The following RANBP2 variants were observed in gnomAD, a reference collection of about 807,000 sequenced individuals.
RANBP2 encodes RAN binding protein 2.
In RANBP2, 57 loss-of-function variants were observed where a neutral mutation model predicts 303.6. The ratio of observed to expected loss-of-function variants is 0.19; its 90% CI spans 0.15 to 0.23. RANBP2 has a LOEUF of 0.23. Ranked by LOEUF, RANBP2 falls within the 10% of genes least tolerant of loss-of-function variation. RANBP2 has a pLI of 1.00. For missense variants in RANBP2, 3,138 were observed against 3,780.8 expected (o/e 0.83, Z 4.46); for synonymous variants, 1,167 against 1,301.5 (o/e 0.90, Z 2.23).
At chr2:108,743,031 C>T (rs1398108274) in intron 7 of RANBP2, among the ~76,000 whole-genome samples, 1 of 152,178 alleles carries the variant, frequency 6.6e-6, no homozygotes, top group African/African-American at 2.4e-5. Context: ...CCTCATGATC[C>T]GCCCACCTTG....
rs1353024475 is a variant in RANBP2, at chr2:108,735,708, C to T, written c.582C>T (p.Asn194=). ...CCCACTGCCATGAGGCAGAGAGGAA[C>T]ATAGCTTTGCGTTCAAGTTTAGAAT... The part of the protein sequence containing the change: ...AVAHCHEAER[N]IALRSSLEWN... The change falls in exon 5 of 29, where the codon AAC becomes AAT. Residue 194 remains asparagine (N), a synonymous_variant. Coordinates refer to ENST00000283195, the MANE Select transcript of RANBP2 (RefSeq NM_006267.5). The T allele has an allele frequency of 6.3e-7, 1 of 1,597,584 alleles. No individual in the cohort carries two copies. Among genetic ancestry groups the T allele is most frequent in the African/African-American group, 1.3e-5 (1 of 74,978 alleles).
At chr2:108,983,184 AAC>A in the RANBP2 span, among the ~76,000 whole-genome samples, 1 of 152,120 alleles carries the variant, frequency 6.6e-6, no homozygotes, top group Non-Finnish European at 1.5e-5. Flanking sequence ...CATGTCAACA[AAC>A]ACATCCCCAA....
chr2:109,265,741 A>G, the RANBP2 span, among the ~76,000 whole-genome samples: 2 of 152,234 alleles, frequency 1.3e-5, no homozygotes, highest in South Asian at 4.1e-4. Flanking sequence ...GGTTTTTATC[A>G]ATAAAAAATG....
chr2:109,744,430 T>A, the RANBP2 span, among the ~76,000 whole-genome samples: 1 of 100,324 alleles, frequency 1.0e-5, no homozygotes, highest in African/African-American at 2.7e-5. Flanking sequence ...TTGAGAAATT[T>A]TTTTTTTTTT....
At chr2:109,659,353 T>C in the RANBP2 span, among the ~76,000 whole-genome samples, 2 of 152,102 alleles carry the variant, frequency 1.3e-5, no homozygotes, top group South Asian at 4.2e-4. Flanking sequence ...CCAGCCTGGG[T>C]GACAGAGATT....
chr2:109,149,230 C>T, the RANBP2 span, among the ~76,000 whole-genome samples: 2 of 152,270 alleles, frequency 1.3e-5, no homozygotes, highest in South Asian at 4.1e-4. Context: ...TTTATTCGGA[C>T]TTCTCTAGTC....
chr2:108,749,189 T>C (rs1675649737), intron 9 of RANBP2, 60 bp downstream of exon 9: 2 of 1,610,030 alleles, frequency 1.2e-6, no homozygotes, highest in Admixed American at 3.3e-5. Flanking sequence ...TTGCCCATAA[T>C]CTTATTACCC....
chr2:109,296,390 GT>G, the RANBP2 span, among the ~76,000 whole-genome samples: 61 of 148,508 alleles, frequency 4.1e-4, no homozygotes, highest in Non-Finnish European at 3.3e-4. Context: ...ACCACACCCA[GT>G]TTTTTTTTTG....
At chr2:109,392,977 C>G in the RANBP2 span, among the ~76,000 whole-genome samples, 2 of 152,192 alleles carry the variant, frequency 1.3e-5, no homozygotes, top group Non-Finnish European at 2.9e-5. Flanking sequence ...CCCTCTCCAC[C>G]GCCCCTGCTT....
At chr2:109,190,557 C>G in the RANBP2 span, among the ~76,000 whole-genome samples, 2 of 152,140 alleles carry the variant, frequency 1.3e-5, no homozygotes, top group Non-Finnish European at 2.9e-5. Context: ...TGTATAACAC[C>G]TGAGTGAACA....
the RANBP2 span, among the ~76,000 whole-genome samples, chr2:108,985,677 C>T: frequency 6.6e-6 from 1 of 152,172 alleles, no homozygotes; most frequent in Non-Finnish European, 1.5e-5. Flanking sequence ...AGTGTGTTTG[C>T]CACCCTTGGG....
the RANBP2 span, among the ~76,000 whole-genome samples, chr2:109,352,392 G>T: frequency 6.6e-6 from 1 of 152,192 alleles, no homozygotes; most frequent in African/African-American, 2.4e-5. Context: ...TCTCAGAGAG[G>T]ATTGCCTGGG....
the RANBP2 span, among the ~76,000 whole-genome samples, chr2:108,959,897 A>G: frequency 1.3e-5 from 2 of 152,272 alleles, no homozygotes; most frequent in Admixed American, 1.3e-4. Context: ...TCCAAGTGAA[A>G]CCAACACTTG....
the RANBP2 span, among the ~76,000 whole-genome samples, chr2:109,679,274 C>T: frequency 6.6e-6 from 1 of 152,204 alleles, no homozygotes; most frequent in Non-Finnish European, 1.5e-5. Context: ...AACTGCATGT[C>T]AGGCAACTCA....
the RANBP2 span, among the ~76,000 whole-genome samples, chr2:109,434,234 G>T: frequency 6.6e-6 from 1 of 152,194 alleles, no homozygotes; most frequent in East Asian, 1.9e-4. Context: ...CTCTGGGCTC[G>T]CCCGCCCTGC....
chr2:109,422,614 G>T, the RANBP2 span, among the ~76,000 whole-genome samples: 1 of 47,432 alleles, frequency 2.1e-5, no homozygotes, highest in Non-Finnish European at 6.7e-5. Flanking sequence ...GCTGTGTTGG[G>T]CTGGGGCTTG....
intron 22 of RANBP2, 45 bp downstream of exon 22, chr2:108,772,626 T>C: frequency 6.5e-7 from 1 of 1,537,172 alleles, no homozygotes; most frequent in Non-Finnish European, 9.0e-7. Flanking sequence ...TAACAAGTCT[T>C]CTATTTAGAA....
the RANBP2 span, chr2:109,128,809 C>T: frequency 1.5e-5 from 3 of 203,706 alleles, no homozygotes; most frequent in Admixed American, 1.3e-4. Context: ...AAGACTCGGA[C>T]GCTTGGAGGA....
At chr2:109,471,234 A>C in the RANBP2 span, among the ~76,000 whole-genome samples, 1 of 151,064 alleles carries the variant, frequency 6.6e-6, no homozygotes, top group Non-Finnish European at 1.5e-5. Flanking sequence ...AAAAAAAAGA[A>C]ATTAATACCT....
Sources: allele counts gnomAD v4.1 joint callset (sites outside exome capture counted in the v4.1 genomes callset), GRCh38; gene constraint gnomAD v4.1.1; transcripts MANE v1.5; gene names NCBI Gene and HGNC (gene_info 2026-07-23, HGNC 2026-07-21).